NEGR1: variants seen among roughly 807,000 people sequenced by gnomAD.
The protein encoded by NEGR1 is IgLON family member 4.
A neutral mutation model predicts 40.9 loss-of-function variants in NEGR1; 10 were observed. The ratio of observed to expected loss-of-function variants is 0.24; its 90% CI spans 0.15 to 0.42. NEGR1 has a LOEUF of 0.42. NEGR1 is among the 10% of genes least tolerant of loss of function. NEGR1 has a pLI of 1.00. For missense variants in NEGR1, 352 were observed against 438.9 expected (o/e 0.80, Z 1.77); for synonymous variants, 185 against 166.8 (o/e 1.11, Z -0.84).
intron 4 of NEGR1, among the ~76,000 whole-genome samples, chr1:71,673,809 T>TTA (rs397735383): frequency 2.0e-5 from 3 of 151,634 alleles, no homozygotes; most frequent in Admixed American, 6.6e-5. Context: ...TATTTTTTTT[T>TTA]ACTAACGAAT....
At chr1:72,004,732 T>C (rs181005553) in intron 1 of NEGR1, among the ~76,000 whole-genome samples, 588 of 152,260 alleles carry the variant, frequency 3.9e-3, no homozygotes, top group Non-Finnish European at 6.2e-3. Context: ...ATTATCTTCG[T>C]TTTTAACATT....
chr1:72,275,478 G>GA (rs905349645), intron 1 of NEGR1, among the ~76,000 whole-genome samples: 24 of 151,408 alleles, frequency 1.6e-4, no homozygotes, highest in African/African-American at 2.4e-4. Context: ...TACTCCTAGG[G>GA]AAAAAAAACA....
intron 1 of NEGR1, among the ~76,000 whole-genome samples, chr1:71,997,396 C>T (rs1433211331): frequency 6.6e-6 from 1 of 152,030 alleles, no homozygotes; most frequent in Non-Finnish European, 1.5e-5. Context: ...ACCAATTATA[C>T]TGCAATGCCC....
At chr1:72,109,996 A>G (rs746376686) in intron 1 of NEGR1, among the ~76,000 whole-genome samples, 1 of 151,672 alleles carries the variant, frequency 6.6e-6, no homozygotes, top group Non-Finnish European at 1.5e-5. Context: ...TAGAATTTCC[A>G]TTATTTATCC....
intron 1 of NEGR1, among the ~76,000 whole-genome samples, chr1:71,957,643 T>C (rs1228902725): frequency 1.3e-5 from 2 of 152,188 alleles, no homozygotes; most frequent in African/African-American, 2.4e-5. Flanking sequence ...AATCACTCTT[T>C]AGTAATCACA....
At chr1:71,570,879 T>C (rs998694415) in intron 6 of NEGR1, 1 of 152,140 alleles carries the variant, frequency 6.6e-6, no homozygotes, top group African/African-American at 2.4e-5. Flanking sequence ...GTTGTTGTTA[T>C]TGTGTTTGTG....
At position 71,791,364 on chromosome 1, in the gene NEGR1, A is replaced by G. The variant is rs546704426; in HGVS notation, c.410-15067T>C. On this transcript the variant is annotated intron_variant, in intron 2 of 6. Transcript: ENST00000357731. ...TGGGTTACTTACATGTATTGAATCTATATGGTAGAAATGGTCTGCTACTGC... is the reference window on the plus strand; with the variant it reads ...TGGGTTACTTACATGTATTGAATCTGTATGGTAGAAATGGTCTGCTACTGC... Among the ~76,000 whole-genome samples the G allele has an allele frequency of 6.6e-5, 10 of 152,188 alleles. No individual in the cohort carries two copies. In the South Asian group the frequency reaches 1.9e-3, roughly 28 times the overall value.
intron 1 of NEGR1, among the ~76,000 whole-genome samples, chr1:71,972,687 TC>T (rs570682990): frequency 1.2e-3 from 179 of 152,166 alleles, no homozygotes; most frequent in Non-Finnish European, 2.1e-3. Flanking sequence ...TACTATATAT[TC>T]CACTAGTCCC....
intron 5 of NEGR1, among the ~76,000 whole-genome samples, chr1:71,597,360 G>C (rs1323859491): frequency 6.7e-6 from 1 of 149,606 alleles, no homozygotes; most frequent in Admixed American, 6.7e-5. Context: ...ATAGCATACA[G>C]GTCCCTTCCA....
chr1:71,513,069 T>C (rs1647088018), intron 6 of NEGR1, among the ~76,000 whole-genome samples: 1 of 152,206 alleles, frequency 6.6e-6, no homozygotes, highest in African/African-American at 2.4e-5. Context: ...CCTGATGGAA[T>C]AGTTTATGGA....
intron 6 of NEGR1, among the ~76,000 whole-genome samples, chr1:71,443,302 C>A (rs1053261490): frequency 6.6e-6 from 1 of 152,162 alleles, no homozygotes; most frequent in African/African-American, 2.4e-5. Flanking sequence ...TTGTTGACCT[C>A]GCTAGATCCC....
intron 6 of NEGR1, among the ~76,000 whole-genome samples, chr1:71,589,685 T>G (rs554565474): frequency 3.9e-5 from 6 of 152,224 alleles, no homozygotes; most frequent in Admixed American, 1.3e-4. Flanking sequence ...AATGGCTATC[T>G]CCTAATTAGC....
chr1:71,856,425 T>A (rs1659768713), intron 2 of NEGR1, among the ~76,000 whole-genome samples: 1 of 152,136 alleles, frequency 6.6e-6, no homozygotes, highest in African/African-American at 2.4e-5. Context: ...CCATTTTATT[T>A]ATTTATTCAT....
intron 1 of NEGR1, among the ~76,000 whole-genome samples, chr1:72,232,622 T>C (rs993648316): frequency 3.3e-5 from 5 of 152,090 alleles, no homozygotes; most frequent in African/African-American, 7.2e-5. Flanking sequence ...TTTAGTGTAA[T>C]AGCAATCATT....
At chr1:71,543,800 T>C (rs374393311) in intron 6 of NEGR1, among the ~76,000 whole-genome samples, 5 of 151,830 alleles carry the variant, frequency 3.3e-5, no homozygotes, top group African/African-American at 1.2e-4. Flanking sequence ...GACCAAGTCT[T>C]GTACCAAATT....
At position 71,868,470 on chromosome 1, in the gene NEGR1, GAAT is replaced by G. The variant is rs1557682653; in HGVS notation, c.409+66606_409+66608del. On this transcript the variant is annotated intron_variant, in intron 2 of 6. Transcript: ENST00000357731. The stretch of plus-strand genomic sequence containing the variant: ...AGATAGATAGATAGATAGATAGACA[GAAT>G]ACATACATACATACATACATACATA... Among the ~76,000 whole-genome samples the G allele has an allele frequency of 9.5e-4, 76 of 80,254 alleles. 1 individual carries two copies. Among genetic ancestry groups the G allele is most frequent in the African/African-American group, 3.5e-3 (71 of 20,122 alleles). 52.6% of individuals were successfully genotyped at this position (80,254 alleles called of 152,430 possible).
chr1:71,977,080 C>T (rs1374418462), intron 1 of NEGR1, among the ~76,000 whole-genome samples: 2 of 151,960 alleles, frequency 1.3e-5, no homozygotes, highest in Non-Finnish European at 1.5e-5. Context: ...CTCAGGACTT[C>T]GGGAGGCCGA....
At chr1:71,829,082 G>C (rs1285044047) in intron 2 of NEGR1, among the ~76,000 whole-genome samples, 1 of 151,894 alleles carries the variant, frequency 6.6e-6, no homozygotes, top group African/African-American at 2.4e-5. Context: ...TAAGTTGGCA[G>C]GGAACCTTCA....
intron 1 of NEGR1, among the ~76,000 whole-genome samples, chr1:72,059,697 C>A (rs1300975676): frequency 1.3e-5 from 2 of 151,474 alleles, no homozygotes; most frequent in African/African-American, 4.8e-5. Context: ...TGGTGTTGCT[C>A]TTATATTAGG....
Sources: allele counts gnomAD v4.1 joint callset (sites outside exome capture counted in the v4.1 genomes callset), GRCh38; gene constraint gnomAD v4.1.1; transcripts MANE v1.5; gene names NCBI Gene and HGNC (gene_info 2026-07-23, HGNC 2026-07-21).